The following HERC5 variants were observed in gnomAD, a reference collection of about 807,000 sequenced individuals.
HERC5 encodes the protein HECT and RLD domain containing E3 ubiquitin protein ligase 5.
Under a neutral mutation model 119.6 loss-of-function variants are expected in HERC5, and 99 were observed. The observed-to-expected ratio is 0.83, with a 90% CI of 0.70 to 0.98. The LOEUF (loss-of-function observed/expected upper bound fraction) is 0.98. HERC5 is among the 50% of genes least tolerant of loss of function. HERC5 has a pLI of 0.00. For synonymous variants in HERC5, 478 were observed against 445.9 expected (o/e 1.07, Z -0.91); for missense variants, 1,267 against 1,241.3 (o/e 1.02, Z -0.31).
At position 88,459,401 on chromosome 4, in the gene HERC5, A is replaced by AG. The variant is rs1560595619; in HGVS notation, c.321dup (p.His108AlafsTer13). On this transcript the variant is annotated frameshift_variant, in exon 2 of 23. Coordinates refer to ENST00000264350, the MANE Select transcript of HERC5 (RefSeq NM_016323.4). LOFTEE classifies it high-confidence loss of function. Reference sequence around the variant, plus strand: ...ATACATTCCGTGGACCAAGGAGCAGAGCACATGCTGATTCTCTCATCAGAT... The same window carrying AG: ...ATACATTCCGTGGACCAAGGAGCAGAGGCACATGCTGATTCTCTCATCAGAT... 1 of 1,599,610 alleles carries AG rather than the reference A, an allele frequency of 6.3e-7. No homozygotes were observed. Among genetic ancestry groups the AG allele is most frequent in the Admixed American group, 1.7e-5 (1 of 57,426 alleles).
Position 88,502,792 on chromosome 4 carries a change from A to G in HERC5, c.2583-1440A>G, listed in dbSNP as rs371685246. On this transcript the variant is annotated intron_variant, in intron 20 of 22. Transcript: ENST00000264350. ...TGATTACTAATGTTAAGCACTTTAT[A>G]TGCTTATTGGCTGTTTGGATATCCT... Among the ~76,000 whole-genome samples the G allele has an allele frequency of 7.9e-5, 12 of 151,966 alleles. No homozygotes were observed. In the East Asian group the frequency reaches 2.1e-3, roughly 27 times the overall value.
intron 15 of HERC5, among the ~76,000 whole-genome samples, chr4:88,487,860 A>G (rs1741517953): frequency 6.6e-6 from 1 of 152,254 alleles, no homozygotes; most frequent in African/African-American, 2.4e-5. Context: ...TAATGATTAA[A>G]TTTGTTAATA....
At chr4:88,471,944 T>C (rs1472961045) in intron 10 of HERC5, among the ~76,000 whole-genome samples, 1 of 145,914 alleles carries the variant, frequency 6.9e-6, no homozygotes, top group African/African-American at 2.5e-5. Context: ...TTCCCTCCCT[T>C]CTTTCCTCCC....
chr4:88,464,053 A>G, intron 6 of HERC5, 68 bp downstream of exon 6: 2 of 1,393,608 alleles, frequency 1.4e-6, no homozygotes, highest in Non-Finnish European at 1.9e-6. Flanking sequence ...ATTTAATAAA[A>G]TTTCTTTCAG....
At chr4:88,460,792 C>T (rs1740405870) in intron 3 of HERC5, among the ~76,000 whole-genome samples, 1 of 152,016 alleles carries the variant, frequency 6.6e-6, no homozygotes, top group African/African-American at 2.4e-5. Context: ...AGTTTGAGAC[C>T]AGCCTGGACA....
chr4:88,482,389 T>C (rs989778148), intron 13 of HERC5, among the ~76,000 whole-genome samples: 2 of 151,870 alleles, frequency 1.3e-5, no homozygotes, highest in African/African-American at 4.8e-5. Flanking sequence ...TTTCCTCCCT[T>C]GATTTTGTCC....
chr4:88,478,915 C>CA (rs1741174750), intron 12 of HERC5, among the ~76,000 whole-genome samples: 3 of 151,716 alleles, frequency 2.0e-5, no homozygotes, highest in Admixed American at 1.3e-4. Context: ...CCTGGCCTAC[C>CA]AAAAAAATGT....
At chr4:88,461,995 A>G (rs1463294533) in intron 3 of HERC5, 140 bp from the exon 4 acceptor site, 3 of 695,538 alleles carry the variant, frequency 4.3e-6, no homozygotes, top group Non-Finnish European at 7.3e-6. Context: ...TCTGTGGCAG[A>G]CATAGGGTAA....
rs906375606 is a variant in HERC5 at position 88,489,203 on chromosome 4, T to C, written c.2000T>C (p.Ile667Thr). ...KHKAYLRSAAIEEERESEFAL... is the reference protein window; with the variant it reads ...KHKAYLRSAATEEERESEFAL... ...AAAGCTTATCTTAGGTCGGCAGCAA[T>C]TGAGGAAGAAAGAGAGTCTGAATTC... The change falls in exon 16 of 23, where the codon ATT (isoleucine) becomes ACT (threonine). Residue 667 changes from isoleucine (I) to threonine (T), a missense_variant. Physicochemically the swap from Ile to Thr is moderately conservative, Grantham distance 89. Coordinates refer to ENST00000264350, the MANE Select transcript of HERC5 (RefSeq NM_016323.4). 2 of 1,613,262 alleles carry C rather than the reference T, an allele frequency of 1.2e-6. No individual in the cohort carries two copies. Among genetic ancestry groups the C allele is most frequent in the Middle Eastern group, 1.6e-4 (1 of 6,080 alleles).
intron 13 of HERC5, among the ~76,000 whole-genome samples, chr4:88,481,114 G>A (rs1431953970): frequency 4.6e-5 from 7 of 152,068 alleles, no homozygotes; most frequent in African/African-American, 1.7e-4. Context: ...GTGCAGTGGC[G>A]CAGTCTCGGC....
intron 22 of HERC5, 40 bp from the exon 23 acceptor site, chr4:88,505,633 C>T: frequency 8.4e-7 from 1 of 1,196,620 alleles, no homozygotes; most frequent in Non-Finnish European, 1.2e-6. Flanking sequence ...ATTTTGGTCT[C>T]CATGTAAAAC....
At chr4:88,483,790 A>G (rs1013393935) in intron 13 of HERC5, among the ~76,000 whole-genome samples, 1 of 152,160 alleles carries the variant, frequency 6.6e-6, no homozygotes, top group Non-Finnish European at 1.5e-5. Context: ...TTGGCCTCCC[A>G]AAGTGCTGGG....
At position 88,457,203 on chromosome 4, in the gene HERC5, C is replaced by G; in HGVS notation, c.-67C>G. The G allele has an allele frequency of 1.6e-6, 2 of 1,244,484 alleles. No homozygotes were observed. Among genetic ancestry groups the G allele is most frequent in the Non-Finnish European group, 2.0e-6 (2 of 993,028 alleles). The allele number at this position is 1,244,484 out of a possible 1,614,324, so 77.1% of individuals were successfully genotyped here. Reference sequence around the variant, plus strand: ...GCAGCGCAACGCCTGAGGCAGTGGGCGCGCTCAGTCCCGGGACCAGGCGTT... The same window carrying G: ...GCAGCGCAACGCCTGAGGCAGTGGGGGCGCTCAGTCCCGGGACCAGGCGTT... On this transcript the variant is annotated 5_prime_UTR_variant, in exon 1 of 23. Coordinates refer to ENST00000264350, the MANE Select transcript of HERC5 (RefSeq NM_016323.4).
Position 88,469,335 on chromosome 4 carries a change from A to G in HERC5, c.1238+75A>G, listed in dbSNP as rs1740785843. The G allele has an allele frequency of 1.2e-5, 12 of 975,452 alleles. No homozygotes were observed. In the South Asian group the frequency reaches 1.6e-4, roughly 13 times the overall value. The allele number at this position is 975,452 out of a possible 1,614,324, so 60.4% of individuals were successfully genotyped here. A position where few individuals can be genotyped will look rare whatever the true frequency, so the allele number is the denominator to read the frequency against. On this transcript the variant is annotated intron_variant, in intron 9 of 22. Coordinates refer to ENST00000264350, the MANE Select transcript of HERC5 (RefSeq NM_016323.4). ...TTTCCCAAACTGGTTCTGCACAGCAATATGAGATTTTGTAGTCAGGGTTTT... is the reference window on the plus strand; with the variant it reads ...TTTCCCAAACTGGTTCTGCACAGCAGTATGAGATTTTGTAGTCAGGGTTTT...
In HERC5 at chr4:88,457,277, G is replaced by C; in HGVS notation, c.8G>C (p.Arg3Pro). The C allele has an allele frequency of 7.4e-7, 1 of 1,350,290 alleles. No individual in the cohort carries two copies. The highest frequency in any genetic ancestry group is 9.5e-7 in the Non-Finnish European group (1 of 1,056,400). The allele number at this position is 1,350,290 out of a possible 1,614,324, so 83.6% of individuals were successfully genotyped here. ...GGACCCCGCAAAGCGGCGATGGAGC[G>C]GAGGTCGCGGAGGAAGTCGCGGCGC... Reference protein sequence around the residue: MERRSRRKSRRNG... With the variant: MEPRSRRKSRRNG... The change falls in exon 1 of 23, where the codon CGG becomes CCG. Residue 3 changes from arginine to proline, a missense_variant. Transcript: ENST00000264350.
rs1245958771 is a variant in HERC5, at chr4:88,493,057, A to T, written c.2179A>T (p.Lys727Ter). ...TGGGTATGACCTCGGAGGAGTCAAG[A>T]AAGAGTTCTTCTACTGTCTGTTTGC... ...EIGYDLGGVK[K>*]EFFYCLFAEM... The change falls in exon 17 of 23, where the codon AAA becomes TAA. Residue 727 changes from lysine (K) to a stop codon, truncating the protein, a stop_gained. Transcript: ENST00000264350. LOFTEE classifies it high-confidence loss of function. 1.1e-5 allele frequency: 17 copies of T among 1,613,900 alleles called. No homozygotes were observed. The highest frequency in any genetic ancestry group is 1.4e-5 in the Non-Finnish European group (16 of 1,179,956).
chr4:88,479,483 A>G lies in HERC5; in HGVS notation c.1713A>G (p.Leu571=), dbSNP rs1346577034. The G allele has an allele frequency of 1.2e-6, 2 of 1,605,108 alleles. No homozygotes were observed. Among genetic ancestry groups the G allele is most frequent in the South Asian group, 2.2e-5 (2 of 88,892 alleles). ...AEENGNVQAL[L]EMLKKLHRVN... ...AGAATGGTAATGTTCAAGCTCTCCT[A>G]GAAATGTTGAAGAAGCTGCACAGGG... is the stretch of plus-strand genomic sequence containing the variant. The change falls in exon 13 of 23, where the codon CTA becomes CTG. Residue 571 remains leucine (L), a synonymous_variant. Transcript: ENST00000264350.
At position 88,466,984 on chromosome 4, in the gene HERC5, C is replaced by A. The variant is rs1204320567; in HGVS notation, c.912-75C>A. ...CTCTCACTGGGTAACATAGTTTTGG[C>A]AATTTACTGTATTGCTAAACACTCT... On this transcript the variant is annotated intron_variant, in intron 6 of 22. Coordinates refer to ENST00000264350, the MANE Select transcript of HERC5 (RefSeq NM_016323.4). The A allele has an allele frequency of 3.4e-6, 5 of 1,450,430 alleles. No individual in the cohort carries two copies. In the East Asian group the frequency reaches 6.9e-5, roughly 20 times the overall value. The allele number at this position is 1,450,430 out of a possible 1,614,324, so 89.8% of individuals were successfully genotyped here.
intron 11 of HERC5, among the ~76,000 whole-genome samples, chr4:88,475,093 GTTC>G (rs1476910493): frequency 7.1e-6 from 1 of 141,390 alleles, no homozygotes; most frequent in Non-Finnish European, 1.5e-5. Context: ...GTTAAATTTT[GTTC>G]TTGAAATTTT....
Sources: allele counts gnomAD v4.1 joint callset (sites outside exome capture counted in the v4.1 genomes callset), GRCh38; gene constraint gnomAD v4.1.1; transcripts MANE v1.5; gene names NCBI Gene and HGNC (gene_info 2026-07-23, HGNC 2026-07-21).